RAB11A: variants seen among roughly 807,000 people sequenced by gnomAD.
RAB11A encodes the protein ras-related protein Rab-11A.
In RAB11A, 9 loss-of-function variants were observed where a neutral mutation model predicts 28.0. The ratio of observed to expected loss-of-function variants is 0.32; its 90% CI spans 0.19 to 0.56. The LOEUF is 0.56. RAB11A is among the 20% of genes least tolerant of loss of function. The probability of loss-of-function intolerance (pLI) is 0.91; values close to 1 mark genes in which losing one functional copy is unlikely to be tolerated. For synonymous variants in RAB11A, 85 were observed against 88.2 expected (o/e 0.96, Z 0.20); for missense variants, 108 against 269.6 (o/e 0.40, Z 4.20).
chr15:65,887,478 A>G (rs1404162217), intron 4 of RAB11A, among the ~76,000 whole-genome samples: 6 of 152,200 alleles, frequency 3.9e-5, no homozygotes, highest in East Asian at 1.9e-4. Context: ...TCCCTCTGAC[A>G]TGGAAAAACC....
At chr15:65,872,508 C>T (rs1240836201) in intron 1 of RAB11A, among the ~76,000 whole-genome samples, 1 of 150,226 alleles carries the variant, frequency 6.7e-6, no homozygotes, top group African/African-American at 2.5e-5. Flanking sequence ...GATCTCGGCT[C>T]ATTGCAACCT....
chr15:65,877,562 G>T lies in RAB11A; in HGVS notation c.236+35G>T, dbSNP rs745857492. ...ATGGTTTTTAAGTTCTGTGAAATGG[G>T]TTGCCATCGAGTGAATTAGCTGACT... On this transcript the variant is annotated intron_variant, in intron 2 of 4. Transcript: ENST00000261890. This position sits in a 1 kb window ranked among gnomAD's most constrained non-coding sequence, Gnocchi z 4.1. The T allele has an allele frequency of 5.7e-6, 9 of 1,577,994 alleles. No homozygotes were observed. In the South Asian group the frequency reaches 1.0e-4, roughly 18 times the overall value.
In RAB11A at chr15:65,889,140, T is replaced by C. The variant is rs1208497582; in HGVS notation, c.*1300T>C. ...TTCCTGGAAGTTGTGTCAACTGCAG[T>C]GATACTATTCAGGATGGTGGGAAAT... is the stretch of plus-strand genomic sequence containing the variant. On this transcript the variant is annotated 3_prime_UTR_variant, in exon 5 of 5. Transcript: ENST00000261890. The C allele has an allele frequency of 6.6e-6, 1 of 152,660 alleles. No individual in the cohort carries two copies. Among genetic ancestry groups the C allele is most frequent in the Non-Finnish European group, 1.5e-5 (1 of 68,050 alleles). The allele number at this position is 152,660 out of a possible 1,614,324, so 9.5% of individuals were successfully genotyped here.
At chr15:65,885,330 G>A (rs1315577355) in intron 4 of RAB11A, among the ~76,000 whole-genome samples, 1 of 151,660 alleles carries the variant, frequency 6.6e-6, no homozygotes, top group Non-Finnish European at 1.5e-5. Flanking sequence ...GTTTCACCAT[G>A]TTTGCCAAGA....
At chr15:65,882,166 T>G (rs924639452) in intron 4 of RAB11A, among the ~76,000 whole-genome samples, 11 of 152,262 alleles carry the variant, frequency 7.2e-5, no homozygotes, top group African/African-American at 2.7e-4. Context: ...TTTCACTTGC[T>G]ACCACTTTTC....
chr15:65,873,312 T>A (rs2078173811), intron 1 of RAB11A, among the ~76,000 whole-genome samples: 1 of 152,232 alleles, frequency 6.6e-6, no homozygotes, highest in South Asian at 2.1e-4. Context: ...TTAGATTTTC[T>A]GAAAATATCT....
At position 65,877,646 on chromosome 15, in the gene RAB11A, C is replaced by T; in HGVS notation, c.237-116C>T. 1 of 1,322,628 alleles carries T rather than the reference C, an allele frequency of 7.6e-7. No individual in the cohort carries two copies. The highest frequency in any genetic ancestry group is 1.5e-5 in the South Asian group (1 of 65,744). The allele number at this position is 1,322,628 out of a possible 1,614,324, so 81.9% of individuals were successfully genotyped here. A position where few individuals can be genotyped will look rare whatever the true frequency, so the allele number is the denominator to read the frequency against. On this transcript the variant is annotated intron_variant, in intron 2 of 4. Coordinates refer to ENST00000261890, the MANE Select transcript of RAB11A (RefSeq NM_004663.5). This position sits in a 1 kb window ranked among gnomAD's most constrained non-coding sequence, Gnocchi z 4.1. ...TTTTAAGAATTCTAGTATTAGGAAT[C>T]CTTAGAAATTTATTTATAAGTATGT...
At position 65,888,199 on chromosome 15, in the gene RAB11A, A is replaced by G. The variant is rs992016602; in HGVS notation, c.*359A>G. The G allele has an allele frequency of 3.5e-5, 6 of 169,530 alleles. No homozygotes were observed. Among genetic ancestry groups the G allele is most frequent in the Admixed American group, 3.2e-4 (5 of 15,790 alleles). 10.5% of individuals were successfully genotyped at this position (169,530 alleles called of 1,614,324 possible). ...GATCAAATCAAACTAAGAAGACCTT[A>G]GAAATAAGCTACCATTTTGCCACAG... On this transcript the variant is annotated 3_prime_UTR_variant, in exon 5 of 5. Transcript: ENST00000261890.
Position 65,877,716 on chromosome 15 carries a change from CT to C in RAB11A, c.237-44del. 1 of 1,470,124 alleles carries C rather than the reference CT, an allele frequency of 6.8e-7. No homozygotes were observed. The highest frequency in any genetic ancestry group is 9.2e-7 in the Non-Finnish European group (1 of 1,081,650). The allele number at this position is 1,470,124 out of a possible 1,614,324, so 91.1% of individuals were successfully genotyped here. On this transcript the variant is annotated intron_variant, in intron 2 of 4. Transcript: ENST00000261890. The surrounding 1 kb of genome is among the most constrained non-coding windows in gnomAD (Gnocchi z 4.1). ...TATTTTGAGTTCTTCCTGGTGTTTG[CT>C]TCCATCTTGTGGTTTTCTGATACTA... is the stretch of plus-strand genomic sequence containing the variant.
intron 1 of RAB11A, among the ~76,000 whole-genome samples, chr15:65,873,273 A>G (rs1412247163): frequency 6.6e-6 from 1 of 152,194 alleles, no homozygotes; most frequent in East Asian, 1.9e-4. Context: ...TCTGTTTACA[A>G]ATATTGTGTG....
intron 1 of RAB11A, among the ~76,000 whole-genome samples, chr15:65,875,276 A>AT (rs2078185429): frequency 6.6e-6 from 1 of 150,852 alleles, no homozygotes; most frequent in African/African-American, 2.4e-5. Flanking sequence ...TTTTTTGTGT[A>AT]TTTTTTTGTA....
At position 65,869,677 on chromosome 15, in the gene RAB11A, C is replaced by A. The variant is rs771817356; in HGVS notation, c.40+52C>A. 6 of 1,571,440 alleles carry A rather than the reference C, an allele frequency of 3.8e-6. No homozygotes were observed. The African/African-American group carries it at 4.1e-5, about 11-fold the overall frequency. On this transcript the variant is annotated intron_variant, in intron 1 of 4. Coordinates refer to ENST00000261890, the MANE Select transcript of RAB11A (RefSeq NM_004663.5). ...CACAGTCCTCGTTCGGGGACCCGGGCCACTCCCGGTGGACCCTCGTGCCGG... is the reference window on the plus strand; with the variant it reads ...CACAGTCCTCGTTCGGGGACCCGGGACACTCCCGGTGGACCCTCGTGCCGG...
At chr15:65,881,195 C>T (rs928893385) in intron 4 of RAB11A, among the ~76,000 whole-genome samples, 2 of 152,148 alleles carry the variant, frequency 1.3e-5, no homozygotes, top group Non-Finnish European at 2.9e-5. Flanking sequence ...TGTTCTCTGT[C>T]AAAGTTTCAC....
intron 1 of RAB11A, among the ~76,000 whole-genome samples, chr15:65,873,585 C>T (rs2078176115): frequency 6.6e-6 from 1 of 151,794 alleles, no homozygotes; most frequent in Admixed American, 6.6e-5. Flanking sequence ...GCAGGGTCTC[C>T]CTCTGTTGCC....
chr15:65,879,096 T>A (rs541481791), intron 3 of RAB11A, among the ~76,000 whole-genome samples: 1 of 151,740 alleles, frequency 6.6e-6, no homozygotes, highest in African/African-American at 2.4e-5. Context: ...TGGGCTCTAG[T>A]GATCTTCCAC....
Position 65,869,546 on chromosome 15 carries a change from T to TA in RAB11A, c.-39dup, listed in dbSNP as rs748688785. 34 of 1,605,186 alleles carry TA rather than the reference T, an allele frequency of 2.1e-5. No individual in the cohort carries two copies. The highest frequency in any genetic ancestry group is 2.7e-5 in the Non-Finnish European group (32 of 1,177,754). Reference sequence around the variant, plus strand: ...CAGCGACGCCCCCTGGTCCCACAGATACCACTGCTGCTCCCGCCCTTTCGC... The same window carrying TA: ...CAGCGACGCCCCCTGGTCCCACAGATAACCACTGCTGCTCCCGCCCTTTCGC... On this transcript the variant is annotated 5_prime_UTR_variant, in exon 1 of 5. Transcript: ENST00000261890.
At chr15:65,879,544 A>G in intron 3 of RAB11A, 127 bp from the exon 4 acceptor site, 1 of 612,194 alleles carries the variant, frequency 1.6e-6, no homozygotes, top group Non-Finnish European at 2.9e-6. Context: ...TGGTGCCCTT[A>G]CTGTCCCAGA....
chr15:65,878,071 A>G (rs780971499), intron 3 of RAB11A, 116 bp downstream of exon 3: 2 of 1,101,378 alleles, frequency 1.8e-6, no homozygotes, highest in Admixed American at 1.7e-5. Flanking sequence ...ATGCTTAGCA[A>G]GAATTGTTTT....
At chr15:65,882,185 A>G (rs2078227252) in intron 4 of RAB11A, among the ~76,000 whole-genome samples, 2 of 152,340 alleles carry the variant, frequency 1.3e-5, no homozygotes, top group South Asian at 4.1e-4. Context: ...TCCTTTCTAT[A>G]TTCACTGTTT....
Sources: gnomAD v4.1 joint callset for allele counts (sites outside exome capture counted in the v4.1 genomes callset) on GRCh38, gnomAD v4.1.1 for gene constraint, Gnocchi (gnomAD v3.1) non-coding constraint, MANE v1.5 for transcripts, NCBI Gene and HGNC (gene_info 2026-07-23, HGNC 2026-07-21) for gene names.